POLR3F: variants seen among roughly 807,000 people sequenced by gnomAD.
The protein encoded by POLR3F is DNA-directed RNA polymerase III subunit RPC6.
Under a neutral mutation model 43.6 loss-of-function variants are expected in POLR3F, and 31 were observed. That is an observed-to-expected ratio of 0.71 (90% CI 0.53 to 0.96). The LOEUF is 0.96. Among genes scored for constraint, POLR3F ranks in the 40% least tolerant of loss-of-function variants. The pLI is 0.00. For synonymous variants in POLR3F, 114 were observed against 132.5 expected (o/e 0.86, Z 0.96); for missense variants, 316 against 391.7 (o/e 0.81, Z 1.63).
Position 18,483,574 on chromosome 20 carries a change from TTTA to T in POLR3F, c.*19_*21del. The T allele has an allele frequency of 8.7e-7, 1 of 1,146,802 alleles. No homozygotes were observed. Among genetic ancestry groups the T allele is most frequent in the Non-Finnish European group, 1.2e-6 (1 of 807,030 alleles). The allele number at this position is 1,146,802 out of a possible 1,614,324, so 71.0% of individuals were successfully genotyped here. ...CGAATTTTAATAGAGAGCTATGAAC[TTTA>T]TTGACATTTTGCAAATGAAGTTACT... On this transcript the variant is annotated 3_prime_UTR_variant, in exon 9 of 9. Transcript: ENST00000377603.
chr20:18,468,010 G>C (rs2059709496), intron 1 of POLR3F, among the ~76,000 whole-genome samples: 1 of 152,172 alleles, frequency 6.6e-6, no homozygotes, highest in African/African-American at 2.4e-5. Flanking sequence ...GTAACATTAA[G>C]CCAGGTGGTT....
At chr20:18,479,686 G>A (rs1263655425) in intron 5 of POLR3F, among the ~76,000 whole-genome samples, 2 of 152,034 alleles carry the variant, frequency 1.3e-5, no homozygotes, top group African/African-American at 4.8e-5. Flanking sequence ...ATAGAAATAC[G>A]GTGTTTGAGA....
Position 18,468,927 on chromosome 20 carries a change from A to T in POLR3F, c.63-17A>T. The stretch of plus-strand genomic sequence containing the variant: ...ACAGGTAACCATGAAGGATAACATT[A>T]ATACCTTTGTTTCTAGGATTATAGA... On this transcript the variant is annotated splice_polypyrimidine_tract_variant and intron_variant, in intron 1 of 8. Transcript: ENST00000377603. 1 of 1,145,408 alleles carries T rather than the reference A, an allele frequency of 8.7e-7. No individual in the cohort carries two copies. The highest frequency in any genetic ancestry group is 1.3e-6 in the Non-Finnish European group (1 of 751,946). The allele number at this position is 1,145,408 out of a possible 1,614,324, so 71.0% of individuals were successfully genotyped here.
intron 7 of POLR3F, among the ~76,000 whole-genome samples, chr20:18,480,786 T>C (rs532210505): frequency 6.6e-6 from 1 of 151,966 alleles, no homozygotes; most frequent in East Asian, 2.0e-4. Flanking sequence ...GGTTTTGAAC[T>C]TCTGGACTCA....
chr20:18,467,568 G>A lies in POLR3F; in HGVS notation c.62G>A (p.Arg21Lys), dbSNP rs752738787. ...GCGGATCCGGTCGAAATAGAAAACA[G>A]GTAAACCAGTGAGGCTCCGGCTTGG... ...PDADPVEIEN[R>K]IIELCHQFPH... is the part of the protein sequence containing the mutation. The change falls in exon 1 of 9, where the codon AGG (arginine) becomes AAG (lysine). Residue 21 changes from arginine to lysine, a missense_variant and splice_region_variant. Coordinates refer to ENST00000377603, the MANE Select transcript of POLR3F (RefSeq NM_006466.4). 2 of 1,614,250 alleles carry A rather than the reference G, an allele frequency of 1.2e-6. No homozygotes were observed. Among genetic ancestry groups the A allele is most frequent in the Non-Finnish European group, 1.7e-6 (2 of 1,180,030 alleles).
intron 6 of POLR3F, 68 bp from the exon 7 acceptor site, chr20:18,480,334 A>C: frequency 1.6e-6 from 2 of 1,280,366 alleles, no homozygotes; most frequent in Non-Finnish European, 2.2e-6. Flanking sequence ...GGTTTGACTC[A>C]GTATAAAGTG....
At chr20:18,479,133 C>T (rs976310190) in intron 5 of POLR3F, among the ~76,000 whole-genome samples, 3 of 150,486 alleles carry the variant, frequency 2.0e-5, no homozygotes, top group Admixed American at 6.7e-5. Flanking sequence ...GCAACAAGAG[C>T]GAAACTCCGT....
intron 1 of POLR3F, 138 bp downstream of exon 1, chr20:18,467,706 G>T (rs1373657666): frequency 6.6e-7 from 1 of 1,506,140 alleles, no homozygotes; most frequent in Non-Finnish European, 8.9e-7. Flanking sequence ...CGGGGTTCTG[G>T]ACCCACTTGT....
chr20:18,477,081 G>GAAAAAAAAAAAAA (rs200618300), intron 5 of POLR3F, among the ~76,000 whole-genome samples: 1 of 91,196 alleles, frequency 1.1e-5, no homozygotes, highest in Non-Finnish European at 2.5e-5. Context: ...CTCAAAAAAA[G>GAAAAAAAAAAAAA]AAAAAAAAAA....
intron 4 of POLR3F, among the ~76,000 whole-genome samples, chr20:18,474,517 A>AT (rs11476411): frequency 1.3e-5 from 2 of 150,746 alleles, no homozygotes; most frequent in East Asian, 2.0e-4. Context: ...CGTTTTCATA[A>AT]TTTTTTTTTT....
chr20:18,473,811 G>A (rs1305370004), intron 4 of POLR3F, among the ~76,000 whole-genome samples: 3 of 152,038 alleles, frequency 2.0e-5, no homozygotes, highest in Non-Finnish European at 4.4e-5. Context: ...GTGAGCTTCA[G>A]TTTCTTTATC....
intron 5 of POLR3F, among the ~76,000 whole-genome samples, chr20:18,475,616 C>G (rs540536502): frequency 6.6e-6 from 1 of 152,282 alleles, no homozygotes; most frequent in East Asian, 1.9e-4. Context: ...TGTGTTTTTC[C>G]TGCTCCTCAT....
Position 18,467,413 on chromosome 20 carries a change from A to C in POLR3F, c.-94A>C. 2 of 1,393,676 alleles carry C rather than the reference A, an allele frequency of 1.4e-6. No homozygotes were observed. Among genetic ancestry groups the C allele is most frequent in the Non-Finnish European group, 2.0e-6 (2 of 984,252 alleles). 86.3% of individuals were successfully genotyped at this position (1,393,676 alleles called of 1,614,324 possible). ...AGGAAGAAGGCCCCTCGGCCTCAGC[A>C]GAGCGCTATCCTCCACTGGTTCCCC... On this transcript the variant is annotated 5_prime_UTR_variant, in exon 1 of 9. Coordinates refer to ENST00000377603, the MANE Select transcript of POLR3F (RefSeq NM_006466.4).
At chr20:18,475,371 C>T (rs1336155284) in intron 5 of POLR3F, among the ~76,000 whole-genome samples, 184 bp downstream of exon 5, 1 of 152,208 alleles carries the variant, frequency 6.6e-6, no homozygotes, top group Non-Finnish European at 1.5e-5. Flanking sequence ...CTCACTCACC[C>T]ACTCAAAAAT....
intron 5 of POLR3F, among the ~76,000 whole-genome samples, chr20:18,479,642 A>G (rs1236840589): frequency 6.6e-6 from 1 of 152,268 alleles, no homozygotes; most frequent in Non-Finnish European, 1.5e-5. Flanking sequence ...AATGTAAATC[A>G]AAGTATAAAA....
intron 8 of POLR3F, among the ~76,000 whole-genome samples, chr20:18,483,103 C>G (rs766910499): frequency 6.6e-6 from 1 of 151,978 alleles, no homozygotes; most frequent in Non-Finnish European, 1.5e-5. Context: ...GTCTTGCTGT[C>G]GCCCAGGCTG....
At chr20:18,470,919 C>G (rs1416354860) in intron 2 of POLR3F, among the ~76,000 whole-genome samples, 2 of 152,180 alleles carry the variant, frequency 1.3e-5, no homozygotes, top group Non-Finnish European at 2.9e-5. Context: ...GGTACTGCAT[C>G]ATGTTCAGGC....
chr20:18,480,184 G>C lies in POLR3F; in HGVS notation c.573+3G>C. The stretch of plus-strand genomic sequence containing the variant: ...GTTTTAAATTCCTACAGTCCAAGGT[G>C]AGGTATGATTGAGGAAACATCACTG... On this transcript the variant is annotated splice_donor_region_variant and intron_variant, in intron 6 of 8. Coordinates refer to ENST00000377603, the MANE Select transcript of POLR3F (RefSeq NM_006466.4). 1 of 1,608,666 alleles carries C rather than the reference G, an allele frequency of 6.2e-7. No homozygotes were observed. The highest frequency in any genetic ancestry group is 8.5e-7 in the Non-Finnish European group (1 of 1,176,802).
intron 1 of POLR3F, among the ~76,000 whole-genome samples, chr20:18,468,159 C>A (rs2059711877): frequency 6.6e-6 from 1 of 152,202 alleles, no homozygotes; most frequent in Admixed American, 6.5e-5. Flanking sequence ...TCACTGCAAT[C>A]TCCGCCTCCC....
Sources: gnomAD v4.1 joint callset for allele counts (sites outside exome capture counted in the v4.1 genomes callset) on GRCh38, gnomAD v4.1.1 for gene constraint, MANE v1.5 for transcripts, NCBI Gene and HGNC (gene_info 2026-07-23, HGNC 2026-07-21) for gene names.